CSMD2: variants seen among roughly 807,000 people sequenced by gnomAD.
CSMD2 encodes CUB and sushi domain-containing protein 2.
CSMD2 carries 130 observed loss-of-function variants against 398.5 expected under a neutral mutation model. That is an observed-to-expected ratio of 0.33 (90% CI 0.28 to 0.38). The LOEUF is 0.38. Among genes scored for constraint, CSMD2 ranks in the 10% least tolerant of loss-of-function variants. The probability of loss-of-function intolerance (pLI) is 1.00; values close to 1 mark genes in which losing one functional copy is unlikely to be tolerated. For synonymous variants in CSMD2, 1,828 were observed against 1,908.5 expected (o/e 0.96, Z 1.10); for missense variants, 3,829 against 4,764.9 (o/e 0.80, Z 5.78).
chr1:33,918,403 G>A (rs1284390169), intron 4 of CSMD2, 102 bp from the exon 5 acceptor site: 2 of 935,218 alleles, frequency 2.1e-6, no homozygotes, highest in African/African-American at 1.6e-5. Flanking sequence ...TCTCCCAAGA[G>A]TACAATTCAC....
At chr1:33,530,576 G>T (rs1185231362) in intron 64 of CSMD2, among the ~76,000 whole-genome samples, 1 of 152,144 alleles carries the variant, frequency 6.6e-6, no homozygotes, top group African/African-American at 2.4e-5. Context: ...ATATGATACA[G>T]CAATACCATT....
chr1:34,064,720 C>T (rs1182285639), intron 2 of CSMD2, among the ~76,000 whole-genome samples: 1 of 152,166 alleles, frequency 6.6e-6, no homozygotes, highest in East Asian at 1.9e-4. Context: ...TTTTCAGCAA[C>T]ACTTCACTCT....
chr1:33,587,127 T>C lies in CSMD2; in HGVS notation c.6898A>G (p.Asn2300Asp), dbSNP rs1412924138. The change falls in exon 45 of 71, where the codon AAC becomes GAC. Residue 2300 changes from asparagine (N) to aspartate (D), a missense_variant. Physicochemically the swap from Asn to Asp is conservative, Grantham distance 23. This residue lies in a region of CSMD2 where 723 missense variants were observed against 758.6 expected (regional missense o/e 0.95). Coordinates refer to ENST00000373381, the MANE Select transcript of CSMD2 (RefSeq NM_001281956.2). ...TCATTCTCTGTGACGACTTCGGCGT[T>C]GGGGAGGATGGTGGGAGGAGGGCAT... Reference protein sequence around the residue: ...TKCPPPTILPNAEVVTENEEF... With the variant: ...TKCPPPTILPDAEVVTENEEF... 3.7e-6 allele frequency: 6 copies of C among 1,610,530 alleles called. No individual in the cohort carries two copies. Among genetic ancestry groups the C allele is most frequent in the Non-Finnish European group, 5.1e-6 (6 of 1,178,788 alleles).
intron 3 of CSMD2, among the ~76,000 whole-genome samples, chr1:33,973,787 TGAG>T (rs1006958893): frequency 6.6e-6 from 1 of 152,098 alleles, no homozygotes; most frequent in Non-Finnish European, 1.5e-5. Context: ...GCAGATGCAC[TGAG>T]GAGAAGGTGC....
In CSMD2 at chr1:33,846,865, A is replaced by C; in HGVS notation, c.1033+19T>G. 1 of 1,529,408 alleles carries C rather than the reference A, an allele frequency of 6.5e-7. No homozygotes were observed. Among genetic ancestry groups the C allele is most frequent in the Non-Finnish European group, 8.9e-7 (1 of 1,121,570 alleles). The allele number at this position is 1,529,408 out of a possible 1,614,324, so 94.7% of individuals were successfully genotyped here. On this transcript the variant is annotated intron_variant, in intron 6 of 70. Coordinates refer to ENST00000373381, the MANE Select transcript of CSMD2 (RefSeq NM_001281956.2). ...CTGCTGCCCACTGAGGAAGCCAGAC[A>C]GTCCTGGGACCTGCCTACCTTGGTA...
At chr1:33,528,608 T>C (rs776702293) in intron 64 of CSMD2, among the ~76,000 whole-genome samples, 45 of 152,236 alleles carry the variant, frequency 3.0e-4, no homozygotes, top group Non-Finnish European at 2.2e-4. Context: ...GGTGCTGTGA[T>C]AGGCACTTCT....
chr1:33,785,998 T>C (rs999688409), intron 12 of CSMD2, among the ~76,000 whole-genome samples: 4 of 152,180 alleles, frequency 2.6e-5, no homozygotes, highest in African/African-American at 7.2e-5. Flanking sequence ...CAAGCTGAGG[T>C]CCCACATCTA....
intron 3 of CSMD2, among the ~76,000 whole-genome samples, chr1:34,021,019 C>T (rs369490657): frequency 3.3e-5 from 5 of 152,114 alleles, no homozygotes; most frequent in East Asian, 1.9e-4. Flanking sequence ...CTACCTAATG[C>T]GGTAAGTGCT....
chr1:33,999,776 C>G (rs1215546287), intron 3 of CSMD2, among the ~76,000 whole-genome samples: 1 of 152,078 alleles, frequency 6.6e-6, no homozygotes, highest in Non-Finnish European at 1.5e-5. Flanking sequence ...ATGAGGATAA[C>G]TGGACATACA....
At chr1:34,137,891 C>T (rs1638912596) in intron 1 of CSMD2, among the ~76,000 whole-genome samples, 2 of 152,210 alleles carry the variant, frequency 1.3e-5, no homozygotes, top group African/African-American at 4.8e-5. Flanking sequence ...TAAAATCACA[C>T]AGCTGCTGAG....
intron 1 of CSMD2, among the ~76,000 whole-genome samples, chr1:34,140,330 A>G (rs1317135985): frequency 1.3e-5 from 1 of 76,894 alleles, no homozygotes; most frequent in Non-Finnish European, 2.5e-5. Flanking sequence ...AAAAAAACCC[A>G]GCGGCAGAAG....
In CSMD2 at chr1:33,601,070, TG is replaced by T; in HGVS notation, c.6711-61del. ...AGTCACCATGGCTGCCTGCTCCACT[TG>T]GTGCCATCAGTGGCCTTAAGACAGA... On this transcript the variant is annotated intron_variant, in intron 43 of 70. Coordinates refer to ENST00000373381, the MANE Select transcript of CSMD2 (RefSeq NM_001281956.2). The T allele has an allele frequency of 5.6e-6, 9 of 1,606,322 alleles. No individual in the cohort carries two copies. The South Asian group carries it at 1.0e-4, about 18-fold the overall frequency.
chr1:33,906,741 T>C (rs1643114286), intron 5 of CSMD2, among the ~76,000 whole-genome samples: 1 of 152,172 alleles, frequency 6.6e-6, no homozygotes, highest in Non-Finnish European at 1.5e-5. Flanking sequence ...GGTAGCTGGC[T>C]CTACAGTTTG....
rs1290362000 is a variant in CSMD2, at chr1:33,557,722, A to C, written c.8743+12T>G. ...CCCCATCAGTCATTTTGAGCAGGTGACATCTACTTACAGAGACACTGGGGG... is the reference window on the plus strand; with the variant it reads ...CCCCATCAGTCATTTTGAGCAGGTGCCATCTACTTACAGAGACACTGGGGG... On this transcript the variant is annotated intron_variant, in intron 55 of 70. Transcript: ENST00000373381. 6.5e-7 allele frequency: 1 copy of C among 1,534,624 alleles called. No homozygotes were observed. Among genetic ancestry groups the C allele is most frequent in the Admixed American group, 2.0e-5 (1 of 50,982 alleles).
intron 3 of CSMD2, among the ~76,000 whole-genome samples, chr1:33,992,214 A>C (rs533983691): frequency 6.6e-6 from 1 of 152,286 alleles, no homozygotes; most frequent in South Asian, 2.1e-4. Flanking sequence ...CTCACTTTCC[A>C]TCTGACAGAC....
chr1:34,093,391 G>A (rs1017195831), intron 1 of CSMD2, among the ~76,000 whole-genome samples: 1 of 152,222 alleles, frequency 6.6e-6, no homozygotes, highest in Non-Finnish European at 1.5e-5. Flanking sequence ...ACCAGCAACG[G>A]AACAAAGCTG....
Position 33,559,203 on chromosome 1 carries a change from G to A in CSMD2, c.8554+97C>T, listed in dbSNP as rs932064789. 7.0e-6 allele frequency: 8 copies of A among 1,136,416 alleles called. No homozygotes were observed. Among genetic ancestry groups the A allele is most frequent in the Non-Finnish European group, 8.7e-6 (7 of 806,938 alleles). 70.4% of individuals were successfully genotyped at this position (1,136,416 alleles called of 1,614,324 possible). A position where few individuals can be genotyped will look rare whatever the true frequency, so the allele number is the denominator to read the frequency against. On this transcript the variant is annotated intron_variant, in intron 54 of 70. Transcript: ENST00000373381. The surrounding 1 kb of genome is among the most constrained non-coding windows in gnomAD (Gnocchi z 4.0). ...CCATCTTCCCTATCTGGATCAGAATGATGCCAGAATGAATTCACTGGCTTC... is the reference window on the plus strand; with the variant it reads ...CCATCTTCCCTATCTGGATCAGAATAATGCCAGAATGAATTCACTGGCTTC...
chr1:34,092,701 G>A (rs901104661), intron 1 of CSMD2, among the ~76,000 whole-genome samples: 10 of 151,994 alleles, frequency 6.6e-5, no homozygotes, highest in Non-Finnish European at 1.2e-4. Flanking sequence ...CTTTTCCGAC[G>A]GGCTTAAAAA....
chr1:34,000,275 AC>A (rs1445654260), intron 3 of CSMD2, among the ~76,000 whole-genome samples: 1 of 151,966 alleles, frequency 6.6e-6, no homozygotes, highest in African/African-American at 2.4e-5. Context: ...TCCCGCGGAA[AC>A]CTCTTCAGCA....
Sources: allele counts gnomAD v4.1 joint callset (sites outside exome capture counted in the v4.1 genomes callset), GRCh38; gene constraint gnomAD v4.1.1; regional missense constraint gnomAD v4.1.1; non-coding constraint Gnocchi (gnomAD v3.1); transcripts MANE v1.5; gene names NCBI Gene and HGNC (gene_info 2026-07-23, HGNC 2026-07-21).